The following COL27A1 variants were observed in gnomAD, a reference collection of about 807,000 sequenced individuals.
The protein encoded by COL27A1 is collagen type XXVII alpha 1 chain, also known as collagen alpha-1(XXVII) chain.
Under a neutral mutation model 251.3 loss-of-function variants are expected in COL27A1, and 106 were observed. The observed-to-expected ratio is 0.42, with a 90% CI of 0.36 to 0.50. COL27A1 has a LOEUF of 0.50. Among genes scored for constraint, COL27A1 ranks in the 20% least tolerant of loss-of-function variants. The pLI is 0.00. For synonymous variants in COL27A1, 1,000 were observed against 986.3 expected (o/e 1.01, Z -0.26); for missense variants, 2,325 against 2,522.8 (o/e 0.92, Z 1.68).
chr9:114,243,599 A>AGG, intron 23 of COL27A1, 39 bp downstream of exon 23: 1 of 1,555,868 alleles, frequency 6.4e-7, no homozygotes, highest in Non-Finnish European at 8.8e-7. Context: ...AAGAGGAAAG[A>AGG]GGGGATCCTA....
intron 3 of COL27A1, among the ~76,000 whole-genome samples, chr9:114,173,353 G>T (rs1252291695): frequency 6.6e-6 from 1 of 152,242 alleles, no homozygotes; most frequent in East Asian, 1.9e-4. Context: ...ATCTATCTAT[G>T]AAATGAACAA....
At chr9:114,211,515 G>C (rs533759803) in intron 12 of COL27A1, among the ~76,000 whole-genome samples, 12 of 152,362 alleles carry the variant, frequency 7.9e-5, no homozygotes, top group Admixed American at 6.5e-4. Flanking sequence ...ACCGAAAGAG[G>C]GGCTCAGCGG....
At position 114,290,225 on chromosome 9, in the gene COL27A1, G is replaced by A. The variant is rs979166224; in HGVS notation, c.4262G>A (p.Gly1421Asp). 2.5e-6 allele frequency: 4 copies of A among 1,572,432 alleles called. No individual in the cohort carries two copies. Among genetic ancestry groups the A allele is most frequent in the African/African-American group, 1.3e-5 (1 of 74,472 alleles). ...ACCAGCTTTTTATGTACCCCCCAGG[G>A]CCTGCAGGGGCTGCCAGGGCCCCGG... ...AGAPGRRGVQ[G>D]LQGLPGPRGV... is the part of the protein sequence containing the mutation. Residue 1421 changes from glycine (G) to aspartate (D), a missense_variant and splice_region_variant, in exon 47 of 61, where the codon GGC becomes GAC. Transcript: ENST00000356083. The surrounding 1 kb of genome is among the most constrained non-coding windows in gnomAD (Gnocchi z 4.6).
chr9:114,187,890 A>G (rs1435147487), intron 5 of COL27A1, among the ~76,000 whole-genome samples: 2 of 152,212 alleles, frequency 1.3e-5, no homozygotes, highest in African/African-American at 4.8e-5. Flanking sequence ...AATATCTCCA[A>G]TTATTTCATT....
intron 15 of COL27A1, among the ~76,000 whole-genome samples, chr9:114,231,527 G>A (rs764380091): frequency 2.6e-5 from 4 of 152,168 alleles, no homozygotes; most frequent in Non-Finnish European, 5.9e-5. Context: ...CATCCCAGGG[G>A]CGACCAAATT....
Position 114,258,530 on chromosome 9 carries a change from C to T in COL27A1, c.3142-11C>T, listed in dbSNP as rs1428047858. On this transcript the variant is annotated splice_polypyrimidine_tract_variant and intron_variant, in intron 27 of 60. Transcript: ENST00000356083. The stretch of plus-strand genomic sequence containing the variant: ...AAAGGGGCCTCTCCAAACTCTTTCT[C>T]CTCTTCCCAGGGTCCTCCAGGATCT... 6.2e-7 allele frequency: 1 copy of T among 1,613,020 alleles called. No homozygotes were observed. The highest frequency in any genetic ancestry group is 1.3e-5 in the African/African-American group (1 of 74,922).
At chr9:114,297,047 G>A (rs1828301801) in intron 49 of COL27A1, among the ~76,000 whole-genome samples, 1 of 152,170 alleles carries the variant, frequency 6.6e-6, no homozygotes, top group Non-Finnish European at 1.5e-5. Context: ...CCTGGAGATG[G>A]GAGGGTAGGC....
At chr9:114,238,321 A>G (rs775542977) in intron 19 of COL27A1, among the ~76,000 whole-genome samples, 9 of 152,206 alleles carry the variant, frequency 5.9e-5, no homozygotes, top group Non-Finnish European at 8.8e-5. Context: ...GTTGCGAAGC[A>G]AGCTGGCTGG....
At chr9:114,242,131 A>T in intron 21 of COL27A1, 56 bp from the exon 22 acceptor site, 1 of 1,466,490 alleles carries the variant, frequency 6.8e-7, no homozygotes, top group Admixed American at 2.1e-5. Context: ...AGATCTCTGC[A>T]AGTCCAACTG....
chr9:114,175,045 G>GGGCCATGC (rs199762812), intron 3 of COL27A1, among the ~76,000 whole-genome samples: 1 of 152,270 alleles, frequency 6.6e-6, no homozygotes, highest in African/African-American at 2.4e-5. Flanking sequence ...TCATTGCTTG[G>GGGCCATGC]CAGGCAGAGG....
At chr9:114,236,212 T>C (rs1241002013) in intron 17 of COL27A1, among the ~76,000 whole-genome samples, 1 of 152,114 alleles carries the variant, frequency 6.6e-6, no homozygotes, top group Non-Finnish European at 1.5e-5. Context: ...TTTCCCTCTC[T>C]AGATGCTCTG....
chr9:114,216,105 C>T (rs1419892477), intron 12 of COL27A1, among the ~76,000 whole-genome samples: 1 of 152,244 alleles, frequency 6.6e-6, no homozygotes, highest in Non-Finnish European at 1.5e-5. Context: ...GTCCTCAGCT[C>T]TATTCCTCTG....
intron 1 of COL27A1, among the ~76,000 whole-genome samples, chr9:114,160,019 C>A (rs1181558681): frequency 1.3e-5 from 2 of 152,158 alleles, no homozygotes; most frequent in African/African-American, 4.8e-5. Flanking sequence ...GGCCTGGCCC[C>A]ATGAAAAGGC....
intron 41 of COL27A1, among the ~76,000 whole-genome samples, chr9:114,287,579 T>G (rs1827593558): frequency 6.6e-6 from 1 of 152,106 alleles, no homozygotes; most frequent in Non-Finnish European, 1.5e-5. Context: ...CTACGGCAAT[T>G]TTAACGCCAT....
At chr9:114,258,795 T>G (rs1393420344) in intron 28 of COL27A1, among the ~76,000 whole-genome samples, 2 of 152,214 alleles carry the variant, frequency 1.3e-5, no homozygotes, top group Non-Finnish European at 2.9e-5. Context: ...AACTCATTTC[T>G]CAGCCTTGCT....
At chr9:114,305,871 G>A (rs556043544) in intron 57 of COL27A1, among the ~76,000 whole-genome samples, 16 of 152,320 alleles carry the variant, frequency 1.1e-4, no homozygotes, top group African/African-American at 2.9e-4. Flanking sequence ...ACACACACAC[G>A]TGACCTCCGC....
Position 114,310,883 on chromosome 9 carries a change from C to G in COL27A1, c.*188C>G. The G allele has an allele frequency of 1.8e-6, 1 of 556,576 alleles. No homozygotes were observed. The highest frequency in any genetic ancestry group is 2.7e-5 in the South Asian group (1 of 37,642). The allele number at this position is 556,576 out of a possible 1,614,324, so 34.5% of individuals were successfully genotyped here. ...GGAGGGGATAGGGTGTCCTTGGGAACAATGGATCCCAGCTTAGCCCCAAAG... is the reference window on the plus strand; with the variant it reads ...GGAGGGGATAGGGTGTCCTTGGGAAGAATGGATCCCAGCTTAGCCCCAAAG... On this transcript the variant is annotated 3_prime_UTR_variant, in exon 61 of 61. Transcript: ENST00000356083.
chr9:114,186,941 A>ATCCACT (rs1320400900), intron 5 of COL27A1, among the ~76,000 whole-genome samples: 1 of 152,178 alleles, frequency 6.6e-6, no homozygotes, highest in East Asian at 1.9e-4. Flanking sequence ...TAGGGAAGCT[A>ATCCACT]GTGCTCCCCG....
intron 10 of COL27A1, among the ~76,000 whole-genome samples, chr9:114,206,570 T>C (rs76974079): frequency 0.016 from 2,459 of 152,318 alleles, 85 homozygotes; most frequent in African/African-American, 0.056. Flanking sequence ...GGCATTTGTT[T>C]GCTGTGTCTC....
Sources: gnomAD v4.1 joint callset for allele counts (sites outside exome capture counted in the v4.1 genomes callset) on GRCh38, gnomAD v4.1.1 for gene constraint, Gnocchi (gnomAD v3.1) non-coding constraint, MANE v1.5 for transcripts, NCBI Gene and HGNC (gene_info 2026-07-23, HGNC 2026-07-21) for gene names.